Variants in ROBO1 observed in about 807,000 individuals in gnomAD.
ROBO1 encodes roundabout homolog 1.
ROBO1 carries 149 observed loss-of-function variants against 195.9 expected under a neutral mutation model. The ratio of observed to expected loss-of-function variants is 0.76; its 90% CI spans 0.67 to 0.87. The LOEUF (loss-of-function observed/expected upper bound fraction) is 0.87. Among genes scored for constraint, ROBO1 ranks in the 40% least tolerant of loss-of-function variants. The pLI is 0.00. For synonymous variants in ROBO1, 816 were observed against 733.2 expected, an observed-to-expected ratio of 1.11 and a Z score of -1.82; for missense variants, 1,933 against 2,068.3, an observed-to-expected ratio of 0.93 and a Z score of 1.27.
At chr3:78,606,114 T>C (rs1703445576) in intron 29 of ROBO1, among the ~76,000 whole-genome samples, 1 of 152,250 alleles carries the variant, frequency 6.6e-6, no homozygotes, top group Non-Finnish European at 1.5e-5. Context: ...GAATTACTTG[T>C]TGGCTCACAA....
intron 4 of ROBO1, among the ~76,000 whole-genome samples, chr3:78,804,904 T>C (rs949644755): frequency 7.2e-5 from 11 of 152,158 alleles, no homozygotes; most frequent in African/African-American, 2.2e-4. Flanking sequence ...CATTTCTCTT[T>C]TAAGCTCAGC....
At chr3:79,564,052 G>C (rs1943012674) in intron 2 of ROBO1, among the ~76,000 whole-genome samples, 1 of 147,608 alleles carries the variant, frequency 6.8e-6, no homozygotes, top group South Asian at 2.1e-4. Flanking sequence ...AAAACATAAT[G>C]AAAGGTGGAT....
chr3:78,627,970 T>TTTA (rs1704923187), intron 25 of ROBO1, among the ~76,000 whole-genome samples: 1 of 151,116 alleles, frequency 6.6e-6, no homozygotes. Context: ...TTTTTTTTTT[T>TTTA]GAGATGGAGT....
chr3:79,725,459 C>T (rs1702882495), intron 1 of ROBO1, among the ~76,000 whole-genome samples: 2 of 151,940 alleles, frequency 1.3e-5, no homozygotes, highest in Non-Finnish European at 2.9e-5. Context: ...ATCTCCTGAC[C>T]TCGTGATCCG....
chr3:78,939,753 T>C (rs1211431490), intron 3 of ROBO1, among the ~76,000 whole-genome samples: 1 of 151,464 alleles, frequency 6.6e-6, no homozygotes, highest in Non-Finnish European at 1.5e-5. Flanking sequence ...CCCCAGAGTT[T>C]TTATTAATAA....
At chr3:79,710,287 A>C (rs1167969234) in intron 1 of ROBO1, among the ~76,000 whole-genome samples, 1 of 152,140 alleles carries the variant, frequency 6.6e-6, no homozygotes, top group Non-Finnish European at 1.5e-5. Context: ...TGATTAAAAA[A>C]AGAAACCCAC....
At chr3:79,021,606 C>T (rs1289852168) in intron 3 of ROBO1, among the ~76,000 whole-genome samples, 2 of 150,874 alleles carry the variant, frequency 1.3e-5, no homozygotes, top group Non-Finnish European at 1.5e-5. Context: ...GATGTCTCAA[C>T]TTCAGTAAGC....
At chr3:78,831,815 G>A (rs1014823525) in intron 4 of ROBO1, among the ~76,000 whole-genome samples, 3 of 152,200 alleles carry the variant, frequency 2.0e-5, no homozygotes, top group Non-Finnish European at 4.4e-5. Flanking sequence ...TGACAGGCAA[G>A]AGAGGGTGTA....
chr3:79,742,822 C>T (rs189577290), intron 1 of ROBO1, among the ~76,000 whole-genome samples: 1 of 152,154 alleles, frequency 6.6e-6, no homozygotes, highest in African/African-American at 2.4e-5. Flanking sequence ...CCTTCAAAAG[C>T]AAAGAGGCTT....
chr3:79,344,870 T>C (rs1431916140), intron 2 of ROBO1, among the ~76,000 whole-genome samples: 1 of 152,040 alleles, frequency 6.6e-6, no homozygotes, highest in African/African-American at 2.4e-5. Context: ...GTGAGTGAGT[T>C]CTCATGGGAT....
intron 2 of ROBO1, among the ~76,000 whole-genome samples, chr3:79,476,049 A>C (rs2107347594): frequency 6.6e-6 from 1 of 152,252 alleles, no homozygotes; most frequent in East Asian, 1.9e-4. Context: ...CAAATAAGCA[A>C]GAAAAAAATA....
At chr3:78,666,057 T>C (rs1347226045) in intron 14 of ROBO1, among the ~76,000 whole-genome samples, 1 of 152,066 alleles carries the variant, frequency 6.6e-6, no homozygotes, top group Non-Finnish European at 1.5e-5. Flanking sequence ...AGTGAGTGAG[T>C]TCTCAGGAGA....
At chr3:78,995,282 AC>A (rs1239940901) in intron 3 of ROBO1, among the ~76,000 whole-genome samples, 1 of 152,132 alleles carries the variant, frequency 6.6e-6, no homozygotes, top group African/African-American at 2.4e-5. Context: ...CAGGAATGCT[AC>A]ATTGCACAAA....
At chr3:78,784,320 G>C (rs113479282) in intron 4 of ROBO1, among the ~76,000 whole-genome samples, 3 of 151,978 alleles carry the variant, frequency 2.0e-5, no homozygotes, top group African/African-American at 7.2e-5. Context: ...ATCATGCCCG[G>C]CATATTCTAA....
intron 2 of ROBO1, among the ~76,000 whole-genome samples, chr3:79,513,192 G>A (rs982965068): frequency 2.6e-5 from 4 of 152,050 alleles, no homozygotes; most frequent in African/African-American, 7.2e-5. Context: ...TGTTCTGACA[G>A]ATCTGTGGAA....
At chr3:79,628,887 T>TA in intron 1 of ROBO1, among the ~76,000 whole-genome samples, 1 of 151,766 alleles carries the variant, frequency 6.6e-6, no homozygotes. Context: ...CCAACAAAAG[T>TA]AAAAAAAGAC....
At chr3:79,766,075 C>A (rs1183997816) in intron 1 of ROBO1, among the ~76,000 whole-genome samples, 4 of 147,738 alleles carry the variant, frequency 2.7e-5, no homozygotes, top group Non-Finnish European at 5.9e-5. Context: ...AAATGAGCCT[C>A]CTGCCCTGCC....
intron 8 of ROBO1, among the ~76,000 whole-genome samples, chr3:78,709,934 AT>A (rs1232178739): frequency 1.3e-5 from 2 of 152,144 alleles, no homozygotes; most frequent in African/African-American, 4.8e-5. Context: ...TTTTTGATTC[AT>A]TTTTCTTCCA....
chr3:78,657,077 T>C (rs1707079641), intron 18 of ROBO1, 21 bp downstream of exon 18: 3 of 1,573,760 alleles, frequency 1.9e-6, no homozygotes, highest in Middle Eastern at 1.8e-4. Flanking sequence ...ATTGTCAAAC[T>C]GGATCTGCAC....
Sources: allele counts gnomAD v4.1 joint callset (sites outside exome capture counted in the v4.1 genomes callset), GRCh38; gene constraint gnomAD v4.1.1; transcripts MANE v1.5; gene names NCBI Gene and HGNC (gene_info 2026-07-23, HGNC 2026-07-21).